Variants in ARHGAP15 observed in about 807,000 individuals in gnomAD.
The protein encoded by ARHGAP15 is rho GTPase-activating protein 15.
A neutral mutation model predicts 63.7 loss-of-function variants in ARHGAP15; 51 were observed. The ratio of observed to expected loss-of-function variants is 0.80; its 90% CI spans 0.64 to 1.01. The LOEUF (loss-of-function observed/expected upper bound fraction) is 1.01, where lower values mean the gene tolerates loss of function less well. ARHGAP15 is among the 50% of genes least tolerant of loss of function. ARHGAP15 has a pLI of 0.00. For synonymous variants in ARHGAP15, 191 were observed against 193.8 expected (o/e 0.99, Z 0.12); for missense variants, 560 against 564.6 (o/e 0.99, Z 0.08).
At chr2:143,525,039 G>A (rs1459628477) in intron 10 of ARHGAP15, among the ~76,000 whole-genome samples, 3 of 152,024 alleles carry the variant, frequency 2.0e-5, no homozygotes, top group Non-Finnish European at 4.4e-5. Context: ...GTTGTTTCCC[G>A]TTGCCTTTGA....
At chr2:143,386,282 AATAG>A (rs1240170322) in intron 6 of ARHGAP15, among the ~76,000 whole-genome samples, 2 of 152,178 alleles carry the variant, frequency 1.3e-5, no homozygotes, top group African/African-American at 4.8e-5. Context: ...TAAAAATCTA[AATAG>A]ATATGGCCAA....
At chr2:143,688,562 T>C (rs1683452911) in intron 12 of ARHGAP15, among the ~76,000 whole-genome samples, 1 of 152,224 alleles carries the variant, frequency 6.6e-6, no homozygotes, top group Non-Finnish European at 1.5e-5. Flanking sequence ...TGCTTAGTTT[T>C]GTTTACAGTG....
intron 10 of ARHGAP15, among the ~76,000 whole-genome samples, chr2:143,522,910 T>A (rs1317247081): frequency 1.3e-5 from 2 of 152,160 alleles, no homozygotes; most frequent in Non-Finnish European, 2.9e-5. Context: ...GTGTAGAAAT[T>A]GCTTACTTAA....
intron 6 of ARHGAP15, among the ~76,000 whole-genome samples, chr2:143,361,703 C>T (rs1042372901): frequency 5.3e-5 from 8 of 152,084 alleles, no homozygotes; most frequent in Non-Finnish European, 1.0e-4. Flanking sequence ...AATTCTGCTT[C>T]CTCTTCTTTA....
chr2:143,761,922 AT>A (rs1478970122), intron 13 of ARHGAP15, among the ~76,000 whole-genome samples: 1 of 152,122 alleles, frequency 6.6e-6, no homozygotes, highest in Non-Finnish European at 1.5e-5. Context: ...TCATTCTAAG[AT>A]TTTATAAACT....
intron 4 of ARHGAP15, among the ~76,000 whole-genome samples, chr2:143,226,020 T>C (rs1219242727): frequency 2.6e-5 from 4 of 152,206 alleles, no homozygotes; most frequent in African/African-American, 4.8e-5. Flanking sequence ...AGATAGACAG[T>C]GTTTATAGTT....
chr2:143,558,810 A>C (rs1695909883), intron 11 of ARHGAP15, among the ~76,000 whole-genome samples: 1 of 152,168 alleles, frequency 6.6e-6, no homozygotes, highest in Non-Finnish European at 1.5e-5. Context: ...GGGTTGAACC[A>C]GTTTTTTAAA....
Position 143,737,282 on chromosome 2 carries a change from G to C in ARHGAP15, c.1245-30707G>C, listed in dbSNP as rs1685782765. Among the ~76,000 whole-genome samples the C allele has an allele frequency of 2.0e-5, 3 of 152,268 alleles. No homozygotes were observed. In the South Asian group the frequency reaches 6.2e-4, roughly 32 times the overall value. On this transcript the variant is annotated intron_variant, in intron 13 of 13. Transcript: ENST00000295095. ...TCTCTTCATTTACATGAATGCTCCT[G>C]GTTCTTAAAACTTTGTCTCACATTT...
chr2:143,153,722 A>G (rs1338197593), intron 1 of ARHGAP15, among the ~76,000 whole-genome samples: 1 of 151,986 alleles, frequency 6.6e-6, no homozygotes, highest in African/African-American at 2.4e-5. Context: ...GCTTTCTGTT[A>G]GCATACCTTA....
At chr2:143,746,845 A>ATATGT (rs1482253804) in intron 13 of ARHGAP15, among the ~76,000 whole-genome samples, 1 of 152,218 alleles carries the variant, frequency 6.6e-6, no homozygotes, top group Non-Finnish European at 1.5e-5. Flanking sequence ...ACATGCTTAA[A>ATATGT]TATGTTTTTG....
At chr2:143,377,300 C>G (rs994364455) in intron 6 of ARHGAP15, among the ~76,000 whole-genome samples, 2 of 151,942 alleles carry the variant, frequency 1.3e-5, no homozygotes, top group Non-Finnish European at 2.9e-5. Context: ...AATTAACATA[C>G]TTTTTAAAAA....
chr2:143,678,775 A>G (rs1682950177), intron 12 of ARHGAP15, among the ~76,000 whole-genome samples: 1 of 152,226 alleles, frequency 6.6e-6, no homozygotes, highest in Non-Finnish European at 1.5e-5. Flanking sequence ...CAAGTTTCCC[A>G]AACTTCATTG....
intron 11 of ARHGAP15, among the ~76,000 whole-genome samples, chr2:143,581,388 T>TAGCCCCAC (rs1696898487): frequency 1.3e-5 from 2 of 151,778 alleles, no homozygotes; most frequent in South Asian, 4.2e-4. Context: ...CACAGCCCCA[T>TAGCCCCAC]AGCCCCACAG....
chr2:143,190,902 C>G (rs1033746223), intron 2 of ARHGAP15, among the ~76,000 whole-genome samples: 1 of 152,216 alleles, frequency 6.6e-6, no homozygotes, highest in Non-Finnish European at 1.5e-5. Context: ...TCCTGAGTAG[C>G]TGAGACTACA....
At chr2:143,329,557 G>A (rs532420116) in intron 6 of ARHGAP15, among the ~76,000 whole-genome samples, 2 of 152,190 alleles carry the variant, frequency 1.3e-5, no homozygotes, top group African/African-American at 4.8e-5. Context: ...CAACCTGTGA[G>A]ATCTCAAAGA....
chr2:143,364,967 C>T (rs1391818655), intron 6 of ARHGAP15, among the ~76,000 whole-genome samples: 2 of 152,148 alleles, frequency 1.3e-5, no homozygotes, highest in Non-Finnish European at 2.9e-5. Context: ...GACTGGGCCG[C>T]TGCACTCCAG....
intron 12 of ARHGAP15, among the ~76,000 whole-genome samples, chr2:143,650,104 G>GA (rs1171568752): frequency 2.0e-5 from 3 of 151,386 alleles, no homozygotes; most frequent in Admixed American, 6.6e-5. Context: ...TTTCCCTGGG[G>GA]AAAAAAATGA....
intron 6 of ARHGAP15, among the ~76,000 whole-genome samples, chr2:143,422,786 A>G (rs1688980083): frequency 6.6e-6 from 1 of 152,106 alleles, no homozygotes; most frequent in Non-Finnish European, 1.5e-5. Context: ...CCCAGTTCCT[A>G]AAAGGGGGCC....
At chr2:143,182,853 T>C (rs1450978351) in intron 2 of ARHGAP15, among the ~76,000 whole-genome samples, 1 of 152,012 alleles carries the variant, frequency 6.6e-6, no homozygotes, top group African/African-American at 2.4e-5. Flanking sequence ...ACTAACAACA[T>C]AACCTACCAG....
Sources: allele counts gnomAD v4.1 joint callset (sites outside exome capture counted in the v4.1 genomes callset), GRCh38; gene constraint gnomAD v4.1.1; transcripts MANE v1.5; gene names NCBI Gene and HGNC (gene_info 2026-07-23, HGNC 2026-07-21).